Variants in TMPRSS4 observed in about 807,000 individuals in gnomAD.
The protein encoded by TMPRSS4 is transmembrane serine protease 4, also known as transmembrane protease serine 4.
In TMPRSS4, 45 loss-of-function variants were observed where a neutral mutation model predicts 56.4. The observed-to-expected ratio is 0.80, with a 90% CI of 0.63 to 1.02. The LOEUF is 1.02. Ranked by LOEUF, TMPRSS4 falls within the 50% of genes least tolerant of loss-of-function variation. The probability of loss-of-function intolerance (pLI) is 0.00; values close to 1 mark genes in which losing one functional copy is unlikely to be tolerated. For synonymous variants in TMPRSS4, 205 were observed against 211.0 expected, an observed-to-expected ratio of 0.97 and a Z score of 0.25; for missense variants, 546 against 556.7, an observed-to-expected ratio of 0.98 and a Z score of 0.19.
At chr11:118,094,285 C>T (rs1946162286) in intron 1 of TMPRSS4, among the ~76,000 whole-genome samples, 1 of 152,202 alleles carries the variant, frequency 6.6e-6, no homozygotes, top group South Asian at 2.1e-4. Flanking sequence ...TCTTGTTGCT[C>T]CACATCATCA....
Position 118,115,288 on chromosome 11 carries a change from C to A in TMPRSS4, c.1152+8C>A, listed in dbSNP as rs1274495956. The A allele has an allele frequency of 6.2e-7, 1 of 1,611,654 alleles. No homozygotes were observed. Among genetic ancestry groups the A allele is most frequent in the Non-Finnish European group, 8.5e-7 (1 of 1,179,582 alleles). ...GGTGTGGACACCTGCCAGGTGGGGC[C>A]TCCAAGAATCATGGGGAGTTCTAAG... On this transcript the variant is annotated splice_region_variant and intron_variant, in intron 11 of 12. Coordinates refer to ENST00000437212, the MANE Select transcript of TMPRSS4 (RefSeq NM_019894.4).
chr11:118,115,383 C>A, intron 11 of TMPRSS4, 103 bp downstream of exon 11: 1 of 1,384,294 alleles, frequency 7.2e-7, no homozygotes, highest in Non-Finnish European at 9.8e-7. Context: ...CCTTGCATAT[C>A]ATGGGCACTC....
chr11:118,111,929 G>C (rs1233151413), intron 8 of TMPRSS4, 29 bp downstream of exon 8: 6 of 1,592,820 alleles, frequency 3.8e-6, no homozygotes, highest in Non-Finnish European at 4.3e-6. Flanking sequence ...GGAGGTCTCT[G>C]GGGACCAAGG....
intron 4 of TMPRSS4, among the ~76,000 whole-genome samples, chr11:118,104,191 A>C (rs1432760746): frequency 6.6e-6 from 1 of 152,182 alleles, no homozygotes; most frequent in African/African-American, 2.4e-5. Context: ...ATCAGAAGTC[A>C]AATGCCCACA....
intron 1 of TMPRSS4, among the ~76,000 whole-genome samples, chr11:118,082,200 A>G (rs1453478165): frequency 6.6e-6 from 1 of 152,178 alleles, no homozygotes; most frequent in Non-Finnish European, 1.5e-5. Context: ...GCACTTTCAC[A>G]TCCAAAATCT....
intron 2 of TMPRSS4, 130 bp from the exon 3 acceptor site, chr11:118,098,855 C>T (rs1040811687): frequency 1.6e-6 from 1 of 639,826 alleles, no homozygotes; most frequent in African/African-American, 1.8e-5. Context: ...AATAACCCCC[C>T]AGCATTAACC....
chr11:118,125,275 G>T, downstream of TMPRSS4: 1 of 456,722 alleles, frequency 2.2e-6, no homozygotes, highest in Non-Finnish European at 4.4e-6. Flanking sequence ...GCAGATAAAT[G>T]GCTTCTCCTT....
intron 3 of TMPRSS4, among the ~76,000 whole-genome samples, chr11:118,099,499 A>AAGAAAGAAAGAAAGAAAGAG (rs1555085874): frequency 1.3e-5 from 2 of 151,686 alleles, no homozygotes; most frequent in African/African-American, 4.9e-5. Flanking sequence ...GAAAGAAAGA[A>AAGAAAGAAAGAAAGAAAGAG]AGACATGTAT....
intron 1 of TMPRSS4, among the ~76,000 whole-genome samples, chr11:118,077,970 GCCATTGCA>G (rs1323161161): frequency 1.6e-5 from 2 of 122,966 alleles, no homozygotes; most frequent in Admixed American, 2.3e-4. Flanking sequence ...CCAAGATTGT[GCCATTGCA>G]CTCCAACCTG....
intron 1 of TMPRSS4, among the ~76,000 whole-genome samples, chr11:118,088,509 C>T (rs6589644): frequency 0.21 from 32,443 of 152,204 alleles, 4,324 homozygotes; most frequent in Non-Finnish European, 0.31. Flanking sequence ...ACCTCACCCG[C>T]TACCTGGGCC....
At chr11:118,102,870 C>G (rs190091859) in intron 3 of TMPRSS4, 20 of 548,466 alleles carry the variant, frequency 3.6e-5, no homozygotes, top group African/African-American at 3.0e-4. Flanking sequence ...CGTGACCTCT[C>G]TTGACTCCGC....
chr11:118,079,932 G>GGGCT (rs1456405666), intron 1 of TMPRSS4, among the ~76,000 whole-genome samples: 1 of 152,196 alleles, frequency 6.6e-6, no homozygotes, highest in South Asian at 2.1e-4. Context: ...AGGCAAGGAG[G>GGGCT]GGCTGCTTGC....
chr11:118,092,580 G>A (rs1946041976), intron 1 of TMPRSS4, among the ~76,000 whole-genome samples: 1 of 152,236 alleles, frequency 6.6e-6, no homozygotes, highest in Non-Finnish European at 1.5e-5. Flanking sequence ...TTTGGGGAGG[G>A]TCAGAATCTT....
chr11:118,089,294 G>T (rs1269300181), intron 1 of TMPRSS4, among the ~76,000 whole-genome samples: 1 of 152,118 alleles, frequency 6.6e-6, no homozygotes, highest in Non-Finnish European at 1.5e-5. Context: ...GCCAAAGAAT[G>T]AGCTACTCAT....
chr11:118,114,954 G>A lies in TMPRSS4; in HGVS notation c.1009+27G>A, dbSNP rs756352743. The A allele has an allele frequency of 4.4e-6, 7 of 1,577,538 alleles. No individual in the cohort carries two copies. In the Admixed American group the frequency reaches 9.2e-5, roughly 21 times the overall value. ...TAAGTCCTGGGTGCAGGACCACAGG[G>A]CAGGAGATGCCCTTGTATGAGGGAG... On this transcript the variant is annotated intron_variant, in intron 10 of 12. Transcript: ENST00000437212.
intron 1 of TMPRSS4, among the ~76,000 whole-genome samples, chr11:118,088,981 T>G (rs1026656899): frequency 6.6e-6 from 1 of 152,132 alleles, no homozygotes; most frequent in African/African-American, 2.4e-5. Context: ...TCTGGCTGGA[T>G]CTCTGAATTT....
At chr11:118,114,369 C>T (rs1488415365) in intron 9 of TMPRSS4, among the ~76,000 whole-genome samples, 1 of 152,140 alleles carries the variant, frequency 6.6e-6, no homozygotes. Flanking sequence ...CACCCCCCAA[C>T]ACAGGGACAC....
At chr11:118,092,185 T>C (rs1211404840) in intron 1 of TMPRSS4, among the ~76,000 whole-genome samples, 3 of 151,388 alleles carry the variant, frequency 2.0e-5, no homozygotes, top group Non-Finnish European at 4.4e-5. Context: ...GAGGATGGTG[T>C]AACCGCCCAA....
chr11:118,120,197 AAAT>A lies in TMPRSS4; in HGVS notation c.*2289_*2291del. On this transcript the variant is annotated 3_prime_UTR_variant, in exon 13 of 13. Transcript: ENST00000437212. Reference sequence around the variant, plus strand: ...TCAGAATTTCTTCCCTTTTTAGACTAAATAATATTCTATTGTTTATACGAACAT... The same window carrying A: ...TCAGAATTTCTTCCCTTTTTAGACTAAATATTCTATTGTTTATACGAACAT... 1 of 152,346 alleles carries A rather than the reference AAAT, an allele frequency of 6.6e-6. No homozygotes were observed. The highest frequency in any genetic ancestry group is 1.5e-5 in the Non-Finnish European group (1 of 68,030). 9.4% of individuals were successfully genotyped at this position (152,346 alleles called of 1,614,324 possible). A position where few individuals can be genotyped will look rare whatever the true frequency, so the allele number is the denominator to read the frequency against.
Sources: gnomAD v4.1 joint callset for allele counts (sites outside exome capture counted in the v4.1 genomes callset) on GRCh38, gnomAD v4.1.1 for gene constraint, MANE v1.5 for transcripts, NCBI Gene and HGNC (gene_info 2026-07-23, HGNC 2026-07-21) for gene names.